The following ALG14 variants were observed in gnomAD, a reference collection of about 807,000 sequenced individuals.
The protein encoded by ALG14 is UDP-N-acetylglucosamine transferase subunit ALG14.
Under a neutral mutation model 22.8 loss-of-function variants are expected in ALG14, and 17 were observed. That is an observed-to-expected ratio of 0.75 (90% confidence interval 0.51 to 1.12). The LOEUF is 1.12. Among genes scored for constraint, ALG14 ranks in the 50% most tolerant of loss-of-function variants. The pLI, the probability that ALG14 is intolerant of heterozygous loss-of-function variation, is 0.00. For missense variants in ALG14, 288 were observed against 271.8 expected (o/e 1.06, Z -0.42); for synonymous variants, 89 against 103.7 (o/e 0.86, Z 0.86).
At chr1:95,006,045 T>A (rs933378233) in intron 3 of ALG14, among the ~76,000 whole-genome samples, 9 of 152,206 alleles carry the variant, frequency 5.9e-5, no homozygotes, top group African/African-American at 1.9e-4. Flanking sequence ...ACTTGGTTTG[T>A]TTGGAACTTT....
chr1:95,043,248 T>A (rs1001498396), intron 2 of ALG14, among the ~76,000 whole-genome samples: 1 of 152,186 alleles, frequency 6.6e-6, no homozygotes, highest in Admixed American at 6.5e-5. Flanking sequence ...TAGATGTTGA[T>A]TCAACTACTG....
intron 2 of ALG14, among the ~76,000 whole-genome samples, chr1:95,042,330 A>G (rs1674406421): frequency 6.6e-6 from 1 of 151,914 alleles, no homozygotes; most frequent in African/African-American, 2.4e-5. Flanking sequence ...ACACACACAT[A>G]CACACAGTTT....
chr1:95,072,144 C>T (rs1180077163), intron 1 of ALG14, among the ~76,000 whole-genome samples: 1 of 152,176 alleles, frequency 6.6e-6, no homozygotes, highest in African/African-American at 2.4e-5. Context: ...ATGCAATCTC[C>T]TGCCATACCC....
chr1:95,034,634 T>C (rs1053919211), intron 2 of ALG14, among the ~76,000 whole-genome samples: 4 of 152,246 alleles, frequency 2.6e-5, no homozygotes, highest in Middle Eastern at 6.8e-3. Flanking sequence ...AGGTCTTCCA[T>C]GTGTTCTGAA....
intron 2 of ALG14, among the ~76,000 whole-genome samples, chr1:95,057,758 G>A (rs993901020): frequency 9.2e-5 from 14 of 151,706 alleles, no homozygotes; most frequent in Admixed American, 6.6e-5. Flanking sequence ...AAGATCGTAA[G>A]AGTCCACTGA....
At chr1:94,983,868 AGTAGCTGG>A (rs1399785279) in intron 3 of ALG14, among the ~76,000 whole-genome samples, 43 of 151,872 alleles carry the variant, frequency 2.8e-4, no homozygotes, top group African/African-American at 9.4e-4. Flanking sequence ...CAGCCTCCTG[AGTAGCTGG>A]GACTACAGGC....
intron 3 of ALG14, among the ~76,000 whole-genome samples, chr1:94,987,364 C>T (rs539087482): frequency 6.6e-6 from 1 of 152,314 alleles, no homozygotes; most frequent in African/African-American, 2.4e-5. Context: ...TAGCCTCTGA[C>T]CATGTGCAGC....
At chr1:95,014,746 T>C (rs1017280588) in intron 3 of ALG14, among the ~76,000 whole-genome samples, 3 of 152,232 alleles carry the variant, frequency 2.0e-5, no homozygotes, top group African/African-American at 7.2e-5. Flanking sequence ...AACAAAATTA[T>C]GGCTAAATAA....
At chr1:95,056,456 G>A (rs1360995126) in intron 2 of ALG14, among the ~76,000 whole-genome samples, 1 of 151,152 alleles carries the variant, frequency 6.6e-6, no homozygotes, top group African/African-American at 2.4e-5. Context: ...ACCAGCCTGG[G>A]CAACATGGAG....
chr1:95,027,588 A>G (rs1673860166), intron 2 of ALG14, among the ~76,000 whole-genome samples: 1 of 152,268 alleles, frequency 6.6e-6, no homozygotes, highest in South Asian at 2.1e-4. Context: ...ATGTAAGACA[A>G]GTAACCTAGT....
chr1:95,067,393 T>C (rs555502349), intron 1 of ALG14: 58 of 152,368 alleles, frequency 3.8e-4, no homozygotes, highest in African/African-American at 1.4e-3. Context: ...CCTCTTTGAA[T>C]GTGCCCATAG....
In ALG14 at chr1:95,034,020, C is replaced by T. The variant is rs78226484; in HGVS notation, c.289-6760G>A. 0.014 allele frequency among the ~76,000 whole-genome samples: 2,129 copies of T among 152,310 alleles called. 165 individuals are homozygous for T. The East Asian group carries it at 0.22, about 16-fold the overall frequency. ...TGGTGCTGGCTCACATCTCTAATTC[C>T]TCCTTGTTCATTCACTTGAGCCACA... On this transcript the variant is annotated intron_variant, in intron 2 of 3. Transcript: ENST00000370205.
intron 2 of ALG14, among the ~76,000 whole-genome samples, chr1:95,058,336 G>A (rs985593602): frequency 6.2e-5 from 9 of 145,838 alleles, no homozygotes; most frequent in East Asian, 4.5e-4. Flanking sequence ...GATGATAGCC[G>A]GGCGTAGTGG....
intron 2 of ALG14, among the ~76,000 whole-genome samples, chr1:95,028,741 A>G (rs1187698810): frequency 2.0e-5 from 3 of 152,078 alleles, no homozygotes; most frequent in Non-Finnish European, 2.9e-5. Context: ...AGAGTTTGCA[A>G]TGATCAGAGA....
intron 3 of ALG14, among the ~76,000 whole-genome samples, chr1:94,997,443 CA>C (rs1293721401): frequency 6.6e-6 from 1 of 152,190 alleles, no homozygotes; most frequent in Non-Finnish European, 1.5e-5. Context: ...TTTTCTAATT[CA>C]AATATGAAGC....
At position 94,976,733 on chromosome 1, in the gene ALG14, G is replaced by C. The variant is rs988347567; in HGVS notation, c.*6343C>G. The C allele has an allele frequency of 6.6e-6, 1 of 151,944 alleles. No homozygotes were observed. The highest frequency in any genetic ancestry group is 1.5e-5 in the Non-Finnish European group (1 of 68,028). 9.4% of individuals were successfully genotyped at this position (151,944 alleles called of 1,614,324 possible). On this transcript the variant is annotated 3_prime_UTR_variant, in exon 4 of 4. Transcript: ENST00000370205. ...GATGTCCCCTAATATTCCACCCCCT[G>C]ATTTACATGCCCTGGATAATCTACT...
At chr1:95,029,085 G>A (rs944948874) in intron 2 of ALG14, among the ~76,000 whole-genome samples, 7 of 152,154 alleles carry the variant, frequency 4.6e-5, no homozygotes, top group African/African-American at 1.7e-4. Context: ...TGTGGGTCAG[G>A]AACCAAGAGT....
rs1553223334 is a variant in ALG14, at chr1:94,982,699, C to CCA, written c.*376_*377insTG. The CCA allele has an allele frequency of 2.5e-5, 2 of 79,468 alleles. No homozygotes were observed. Among genetic ancestry groups the CCA allele is most frequent in the South Asian group, 6.2e-4 (1 of 1,620 alleles). The allele number at this position is 79,468 out of a possible 1,614,324, so 4.9% of individuals were successfully genotyped here. A position where few individuals can be genotyped will look rare whatever the true frequency, so the allele number is the denominator to read the frequency against. The stretch of plus-strand genomic sequence containing the variant: ...TTCTTTTACAATGCAGAATACTTTA[C>CCA]AAAAAAAAAAAAAAAAAAAAAAAGC... On this transcript the variant is annotated 3_prime_UTR_variant, in exon 4 of 4. Transcript: ENST00000370205.
At chr1:95,003,578 T>A (rs551423775) in intron 3 of ALG14, among the ~76,000 whole-genome samples, 3 of 151,680 alleles carry the variant, frequency 2.0e-5, no homozygotes, top group Non-Finnish European at 4.4e-5. Context: ...ACCTCCTGAG[T>A]AGCTGAGACT....
Sources: gnomAD v4.1 joint callset for allele counts (sites outside exome capture counted in the v4.1 genomes callset) on GRCh38, gnomAD v4.1.1 for gene constraint, MANE v1.5 for transcripts, NCBI Gene and HGNC (gene_info 2026-07-23, HGNC 2026-07-21) for gene names.